Variants in SUZ12 observed in about 807,000 individuals in gnomAD.
SUZ12 encodes the protein SUZ12 polycomb repressive complex 2 subunit.
Under a neutral mutation model 87.3 loss-of-function variants are expected in SUZ12, and 17 were observed. The ratio of observed to expected loss-of-function variants is 0.19; its 90% CI spans 0.13 to 0.29. The LOEUF (loss-of-function observed/expected upper bound fraction) is 0.29. SUZ12 is among the 10% of genes least tolerant of loss of function. The pLI, the probability that SUZ12 is intolerant of heterozygous loss-of-function variation, is 1.00. For missense variants in SUZ12, 526 were observed against 912.2 expected (o/e 0.58, Z 5.45); for synonymous variants, 253 against 312.4 (o/e 0.81, Z 2.01).
chr17:31,960,821 C>T (rs1474604798), intron 4 of SUZ12, among the ~76,000 whole-genome samples: 4 of 152,110 alleles, frequency 2.6e-5, no homozygotes, highest in Non-Finnish European at 5.9e-5. Context: ...TCAAGTGATT[C>T]CCCCTGCCTC....
rs1567839937 is a variant in SUZ12, at chr17:31,995,861, T to TAA, written c.1794+99_1794+100insAA. ...GACTTTTATTGTAAAGGAACTTTTT[T>TAA]TAAAAAAAAAAAAAGGAATCCGGAA... On this transcript the variant is annotated intron_variant, in intron 14 of 15. Transcript: ENST00000322652. 14 of 856,946 alleles carry TAA rather than the reference T, an allele frequency of 1.6e-5. No individual in the cohort carries two copies. In the African/African-American group the frequency reaches 2.1e-4, roughly 13 times the overall value. 53.1% of individuals were successfully genotyped at this position (856,946 alleles called of 1,614,324 possible).
At chr17:31,948,303 G>A (rs1906754931) in intron 4 of SUZ12, among the ~76,000 whole-genome samples, 1 of 152,036 alleles carries the variant, frequency 6.6e-6, no homozygotes, top group African/African-American at 2.4e-5. Context: ...TAGATAGTAT[G>A]CTTCTATTTA....
chr17:31,971,039 A>G (rs1188681245), intron 5 of SUZ12, among the ~76,000 whole-genome samples: 1 of 152,164 alleles, frequency 6.6e-6, no homozygotes, highest in Non-Finnish European at 1.5e-5. Flanking sequence ...TACATAGAGA[A>G]TATAGACTAT....
chr17:31,989,609 T>G (rs1240626500), intron 10 of SUZ12, among the ~76,000 whole-genome samples: 1 of 151,946 alleles, frequency 6.6e-6, no homozygotes, highest in African/African-American at 2.4e-5. Context: ...TTTGTTTTTT[T>G]GTTTTTTGAG....
At chr17:31,965,952 G>T in intron 4 of SUZ12, 195 bp from the exon 5 acceptor site, 3 of 419,822 alleles carry the variant, frequency 7.1e-6, no homozygotes, top group Non-Finnish European at 4.3e-6. Context: ...TTTATTTTTT[G>T]TTAGGTGTAT....
chr17:31,987,360 A>G (rs372895832), intron 9 of SUZ12, among the ~76,000 whole-genome samples: 2 of 152,356 alleles, frequency 1.3e-5, no homozygotes, highest in South Asian at 2.1e-4. Context: ...GTGTAAGGAT[A>G]AGAATGCAGA....
At chr17:31,952,090 CAG>C (rs1907021889) in intron 4 of SUZ12, among the ~76,000 whole-genome samples, 2 of 151,994 alleles carry the variant, frequency 1.3e-5, no homozygotes, top group African/African-American at 4.8e-5. Context: ...TTCTAAGAGA[CAG>C]GGTCTTGCTC....
intron 3 of SUZ12, among the ~76,000 whole-genome samples, chr17:31,944,687 CATG>C (rs1297019804): frequency 3.3e-5 from 5 of 152,048 alleles, no homozygotes; most frequent in African/African-American, 7.3e-5. Context: ...ATAGGCTAGG[CATG>C]GTGTTTCAGA....
intron 9 of SUZ12, among the ~76,000 whole-genome samples, chr17:31,985,527 G>A (rs1163606352): frequency 6.6e-6 from 1 of 151,408 alleles, no homozygotes; most frequent in Non-Finnish European, 1.5e-5. Flanking sequence ...TACTGTTTGG[G>A]TTTTCTGCAT....
Position 31,951,704 on chromosome 17 carries a change from C to G in SUZ12, c.455+4019C>G, listed in dbSNP as rs530700703. Among the ~76,000 whole-genome samples the G allele has an allele frequency of 2.4e-4, 36 of 151,616 alleles. No homozygotes were observed. The East Asian group carries it at 6.6e-3, about 28-fold the overall frequency. On this transcript the variant is annotated intron_variant, in intron 4 of 15. Coordinates refer to ENST00000322652, the MANE Select transcript of SUZ12 (RefSeq NM_015355.4). The stretch of plus-strand genomic sequence containing the variant: ...TGTTAGCCAGGATGGTCTCGATCTC[C>G]TGACCTCGTGATCCACCCGCCTTGG...
At chr17:31,968,142 C>T (rs1476338660) in intron 5 of SUZ12, among the ~76,000 whole-genome samples, 2 of 152,132 alleles carry the variant, frequency 1.3e-5, no homozygotes, top group African/African-American at 4.8e-5. Flanking sequence ...TGTACTCCAG[C>T]CTGAGTGACA....
At chr17:31,941,263 G>A (rs1485318918) in intron 3 of SUZ12, among the ~76,000 whole-genome samples, 1 of 150,254 alleles carries the variant, frequency 6.7e-6, no homozygotes, top group Non-Finnish European at 1.5e-5. Context: ...TTTTGTTTTT[G>A]GTGTTTTTTT....
At chr17:31,947,372 T>A (rs1906696488) in intron 3 of SUZ12, among the ~76,000 whole-genome samples, 1 of 152,132 alleles carries the variant, frequency 6.6e-6, no homozygotes, top group Non-Finnish European at 1.5e-5. Context: ...ATCACTGGTT[T>A]GGGAATAATT....
chr17:31,952,114 CTGGAGCACAAGTGGCTGCTCACTGCAG>C (rs1238724898), intron 4 of SUZ12, among the ~76,000 whole-genome samples: 3 of 152,146 alleles, frequency 2.0e-5, no homozygotes, highest in Admixed American at 1.3e-4. Flanking sequence ...GTTGCCCAGG[CTGGAGCACAAGTGGCTGCTCACTGCAG>C]CCTCTAACTC....
intron 5 of SUZ12, chr17:31,966,514 T>C (rs143491691): frequency 1.2e-3 from 258 of 209,968 alleles, no homozygotes; most frequent in African/African-American, 5.5e-3. Flanking sequence ...GCCTGGCTAA[T>C]TTTTTGTATT....
At chr17:31,993,833 G>T in intron 11 of SUZ12, 32 bp from the exon 12 acceptor site, 1 of 1,563,284 alleles carries the variant, frequency 6.4e-7, no homozygotes, top group Non-Finnish European at 8.6e-7. Context: ...GCGTAAATTG[G>T]AGATTTGCTT....
chr17:31,989,622 G>A (rs996278322), intron 10 of SUZ12, among the ~76,000 whole-genome samples: 4 of 151,566 alleles, frequency 2.6e-5, no homozygotes, highest in South Asian at 2.1e-4. Flanking sequence ...TTTTTGAGAC[G>A]AAGTCTCACT....
intron 14 of SUZ12, 113 bp downstream of exon 14, chr17:31,995,875 AG>A: frequency 3.7e-6 from 3 of 803,628 alleles, no homozygotes; most frequent in Non-Finnish European, 5.8e-6. Flanking sequence ...AAAAAAAAAA[AG>A]GAATCCGGAA....
At position 31,983,274 on chromosome 17, in the gene SUZ12, C is replaced by CTTTT. The variant is rs10681815; in HGVS notation, c.1023+186_1023+189dup. Among the ~76,000 whole-genome samples, 927 of 118,164 alleles carry CTTTT rather than the reference C, an allele frequency of 7.8e-3. 19 individuals are homozygous for CTTTT. The highest frequency in any genetic ancestry group is 0.025 in the African/African-American group (767 of 30,108). 77.5% of individuals were successfully genotyped at this position (118,164 alleles called of 152,430 possible). A position where few individuals can be genotyped will look rare whatever the true frequency, so the allele number is the denominator to read the frequency against. On this transcript the variant is annotated intron_variant, in intron 9 of 15. Transcript: ENST00000322652. ...AGAGCATTTAACGGAAGGTATCATTCTTTTTTTTTTTTTTTTTTTGAGGGG... is the reference window on the plus strand; with the variant it reads ...AGAGCATTTAACGGAAGGTATCATTCTTTTTTTTTTTTTTTTTTTTTTTGAGGGG...
Sources: allele counts gnomAD v4.1 joint callset (sites outside exome capture counted in the v4.1 genomes callset), GRCh38; gene constraint gnomAD v4.1.1; transcripts MANE v1.5; gene names NCBI Gene and HGNC (gene_info 2026-07-23, HGNC 2026-07-21).